The following FNDC3B variants were observed in gnomAD, a reference collection of about 807,000 sequenced individuals.
The protein encoded by FNDC3B is fibronectin type III domain containing 3B, also known as fibronectin type III domain-containing protein 3B.
FNDC3B carries 12 observed loss-of-function variants against 151.5 expected under a neutral mutation model. The observed-to-expected ratio is 0.08, with a 90% CI of 0.05 to 0.13. The LOEUF (loss-of-function observed/expected upper bound fraction) is 0.13, where lower values mean the gene tolerates loss of function less well. FNDC3B is among the 10% of genes least tolerant of loss of function. FNDC3B has a pLI of 1.00. For synonymous variants in FNDC3B, 528 were observed against 549.0 expected, an observed-to-expected ratio of 0.96 and a Z score of 0.54; for missense variants, 1,214 against 1,505.3, an observed-to-expected ratio of 0.81 and a Z score of 3.20.
chr3:172,151,375 T>G (rs1722210474), intron 3 of FNDC3B, among the ~76,000 whole-genome samples: 1 of 152,220 alleles, frequency 6.6e-6, no homozygotes, highest in South Asian at 2.1e-4. Flanking sequence ...ATAACCCAGT[T>G]CAGCAATCTA....
chr3:172,252,250 T>C (rs1171436614), intron 6 of FNDC3B, among the ~76,000 whole-genome samples: 1 of 152,112 alleles, frequency 6.6e-6, no homozygotes, highest in Non-Finnish European at 1.5e-5. Flanking sequence ...AAACAGTGGC[T>C]ATTTCTATAG....
Position 172,286,041 on chromosome 3 carries a change from C to CTTT in FNDC3B, c.849+68_849+70dup, listed in dbSNP as rs67373503. The CTTT allele has an allele frequency of 1.3e-4, 143 of 1,068,628 alleles. No homozygotes were observed. In the African/African-American group the frequency reaches 1.9e-3, roughly 14 times the overall value. 66.2% of individuals were successfully genotyped at this position (1,068,628 alleles called of 1,614,324 possible). ...CACTTTTTAAAGTATTTCAAATGTG[C>CTTT]TTTTTTTTTTTTTCCACCACACAGT... On this transcript the variant is annotated intron_variant, in intron 7 of 25. Coordinates refer to ENST00000415807, the MANE Select transcript of FNDC3B (RefSeq NM_022763.4).
chr3:172,326,314 ACT>A (rs1428975662), intron 11 of FNDC3B, among the ~76,000 whole-genome samples: 1 of 152,090 alleles, frequency 6.6e-6, no homozygotes, highest in African/African-American at 2.4e-5. Context: ...ACCTCTACAG[ACT>A]CTACAGACAA....
rs76296916 is a variant in FNDC3B at position 172,309,145 on chromosome 3, A to C, written c.1200+1644A>C. On this transcript the variant is annotated intron_variant, in intron 10 of 25. Coordinates refer to ENST00000415807, the MANE Select transcript of FNDC3B (RefSeq NM_022763.4). ...TTCCATTCAGTCATGTACAAACTTG[A>C]AAGTTCTGGATTTAGTTCAGTTTTC... 7.5e-3 allele frequency among the ~76,000 whole-genome samples: 1,142 copies of C among 152,352 alleles called. 13 individuals carry two copies. The highest frequency in any genetic ancestry group is 0.026 in the African/African-American group (1,061 of 41,582).
At chr3:172,113,361 A>G (rs187597284) in intron 2 of FNDC3B, among the ~76,000 whole-genome samples, 8 of 152,242 alleles carry the variant, frequency 5.3e-5, no homozygotes, top group Admixed American at 1.3e-4. Flanking sequence ...CTAATAATTC[A>G]AATAAGTTAA....
At chr3:172,169,443 G>T (rs1392268004) in intron 3 of FNDC3B, among the ~76,000 whole-genome samples, 1 of 152,230 alleles carries the variant, frequency 6.6e-6, no homozygotes, top group Non-Finnish European at 1.5e-5. Context: ...GGGGTTAAAT[G>T]CTTCCTAGAG....
intron 2 of FNDC3B, among the ~76,000 whole-genome samples, chr3:172,117,072 C>G (rs548538006): frequency 1.3e-5 from 2 of 152,062 alleles, no homozygotes; most frequent in African/African-American, 4.8e-5. Flanking sequence ...TTTTTTATTT[C>G]TCTTGTATAT....
chr3:172,381,988 T>C (rs1031845769), intron 25 of FNDC3B, among the ~76,000 whole-genome samples: 43 of 152,358 alleles, frequency 2.8e-4, no homozygotes, highest in Middle Eastern at 3.4e-3. Flanking sequence ...ATATACCCAG[T>C]AATGGGATTG....
chr3:172,269,083 T>A (rs945186571), intron 6 of FNDC3B, among the ~76,000 whole-genome samples: 18 of 152,366 alleles, frequency 1.2e-4, no homozygotes, highest in Admixed American at 1.0e-3. Flanking sequence ...GGAGAGAATA[T>A]GACTTACTGC....
At chr3:172,050,324 A>G (rs558602339) in intron 1 of FNDC3B, among the ~76,000 whole-genome samples, 10 of 152,220 alleles carry the variant, frequency 6.6e-5, no homozygotes, top group Non-Finnish European at 1.3e-4. Context: ...GAACTCCTGG[A>G]AAACAGTGTC....
Position 172,399,412 on chromosome 3 carries a change from C to T in FNDC3B, c.*1937C>T, listed in dbSNP as rs529280097. 2.1e-4 allele frequency: 32 copies of T among 152,482 alleles called. No homozygotes were observed. The highest frequency in any genetic ancestry group is 7.7e-4 in the African/African-American group (32 of 41,498). The allele number at this position is 152,482 out of a possible 1,614,324, so 9.4% of individuals were successfully genotyped here. ...AAATGCCAAAAAAAAAATACATTAT[C>T]AGTGATTGAAACGTTTACATGTACC... On this transcript the variant is annotated 3_prime_UTR_variant, in exon 26 of 26. Transcript: ENST00000415807.
At chr3:172,143,908 A>AAAAT (rs60080346) in intron 3 of FNDC3B, among the ~76,000 whole-genome samples, 31,830 of 141,820 alleles carry the variant, frequency 0.22, 3,917 homozygotes, top group Admixed American at 0.31. Flanking sequence ...CCTCCATCTC[A>AAAAT]AAATAAATAA....
At chr3:172,275,661 G>A (rs572694766) in intron 6 of FNDC3B, among the ~76,000 whole-genome samples, 1 of 152,298 alleles carries the variant, frequency 6.6e-6, no homozygotes, top group African/African-American at 2.4e-5. Context: ...CAATTCTGGA[G>A]AACAACCTCT....
intron 8 of FNDC3B, among the ~76,000 whole-genome samples, chr3:172,298,523 C>G (rs903125721): frequency 6.6e-6 from 1 of 152,140 alleles, no homozygotes; most frequent in African/African-American, 2.4e-5. Context: ...TTTTCGAGAT[C>G]TAAGATGGCA....
chr3:172,071,824 G>A (rs751101459), intron 1 of FNDC3B, among the ~76,000 whole-genome samples: 10 of 152,052 alleles, frequency 6.6e-5, no homozygotes, highest in Non-Finnish European at 1.5e-4. Context: ...GAGCACTTCC[G>A]TATGAAGTCA....
intron 11 of FNDC3B, among the ~76,000 whole-genome samples, chr3:172,316,106 C>G (rs1731776329): frequency 7.0e-6 from 1 of 143,622 alleles, no homozygotes; most frequent in Non-Finnish European, 1.5e-5. Context: ...CTCTCAGGTT[C>G]AAGCGATTCC....
At chr3:172,354,381 T>C (rs1300531055) in intron 22 of FNDC3B, among the ~76,000 whole-genome samples, 3 of 151,870 alleles carry the variant, frequency 2.0e-5, no homozygotes, top group Non-Finnish European at 4.4e-5. Context: ...AATCATAAAC[T>C]AAATATTAGG....
At chr3:172,085,484 A>T (rs538289108) in intron 1 of FNDC3B, among the ~76,000 whole-genome samples, 1 of 152,310 alleles carries the variant, frequency 6.6e-6, no homozygotes, top group East Asian at 1.9e-4. Context: ...TTGATACCGA[A>T]GCTGAGTTGT....
chr3:172,108,162 T>G (rs1719754741), intron 1 of FNDC3B, among the ~76,000 whole-genome samples: 1 of 146,754 alleles, frequency 6.8e-6, no homozygotes, highest in Non-Finnish European at 1.5e-5. Context: ...AGTGAGACTC[T>G]GTCTCAAAAA....
Sources: gnomAD v4.1 joint callset for allele counts (sites outside exome capture counted in the v4.1 genomes callset) on GRCh38, gnomAD v4.1.1 for gene constraint, MANE v1.5 for transcripts, NCBI Gene and HGNC (gene_info 2026-07-23, HGNC 2026-07-21) for gene names.